SLIT1: variants seen among roughly 807,000 people sequenced by gnomAD.
SLIT1 encodes slit guidance ligand 1, also known as slit homolog 1 protein.
In SLIT1, 66 loss-of-function variants were observed where a neutral mutation model predicts 186.1. The observed-to-expected ratio is 0.35, with a 90% confidence interval of 0.29 to 0.44. The LOEUF is 0.44. Among genes scored for constraint, SLIT1 ranks in the 20% least tolerant of loss-of-function variants. The probability of loss-of-function intolerance (pLI) is 1.00; values close to 1 mark genes in which losing one functional copy is unlikely to be tolerated. For synonymous variants in SLIT1, 761 were observed against 833.8 expected (o/e 0.91, Z 1.50); for missense variants, 1,638 against 2,037.4 (o/e 0.80, Z 3.77).
At chr10:97,146,844 G>A (rs1849823622) in intron 4 of SLIT1, among the ~76,000 whole-genome samples, 1 of 152,078 alleles carries the variant, frequency 6.6e-6, no homozygotes, top group Admixed American at 6.5e-5. Context: ...ACACTTGCCA[G>A]CCTGCTAACC....
At chr10:97,028,492 A>G (rs551855947) in intron 25 of SLIT1, among the ~76,000 whole-genome samples, 1 of 152,328 alleles carries the variant, frequency 6.6e-6, no homozygotes, top group South Asian at 2.1e-4. Context: ...CCTATGCTGG[A>G]CAACGCAGCA....
chr10:97,036,089 G>A (rs559564086), intron 22 of SLIT1, among the ~76,000 whole-genome samples: 162 of 152,204 alleles, frequency 1.1e-3, no homozygotes, highest in Non-Finnish European at 3.8e-4. Context: ...GGGCCTTCAC[G>A]TCTGCCCACT....
At chr10:97,142,166 CA>C (rs940482860) in intron 4 of SLIT1, among the ~76,000 whole-genome samples, 2 of 144,226 alleles carry the variant, frequency 1.4e-5, no homozygotes, top group African/African-American at 4.9e-5. Flanking sequence ...CAAATACTGC[CA>C]AACCAGATCT....
intron 14 of SLIT1, among the ~76,000 whole-genome samples, chr10:97,048,247 G>GGCAC (rs1848754366): frequency 6.6e-6 from 1 of 152,244 alleles, no homozygotes; most frequent in Non-Finnish European, 1.5e-5. Flanking sequence ...CACTCGCAAT[G>GGCAC]GCACGAGGTG....
intron 1 of SLIT1, among the ~76,000 whole-genome samples, chr10:97,168,626 C>T (rs1469942064): frequency 6.6e-6 from 1 of 152,214 alleles, no homozygotes; most frequent in Non-Finnish European, 1.5e-5. Flanking sequence ...CACTCCCTCC[C>T]TGATTCCCTG....
intron 34 of SLIT1, among the ~76,000 whole-genome samples, chr10:97,003,450 A>G (rs1226104067): frequency 1.3e-5 from 2 of 152,170 alleles, no homozygotes; most frequent in African/African-American, 4.8e-5. Flanking sequence ...CATTTGACAG[A>G]TGCTCATGAC....
intron 4 of SLIT1, among the ~76,000 whole-genome samples, chr10:97,133,860 C>T (rs1432963384): frequency 6.6e-6 from 1 of 152,148 alleles, no homozygotes; most frequent in Non-Finnish European, 1.5e-5. Flanking sequence ...CAGCACCACC[C>T]CCAGGTCCTG....
chr10:97,128,131 TGTAA>T (rs1447162919), intron 4 of SLIT1, among the ~76,000 whole-genome samples: 2 of 151,724 alleles, frequency 1.3e-5, no homozygotes, highest in Non-Finnish European at 2.9e-5. Flanking sequence ...CTCTGCCTCT[TGTAA>T]GTGAGGCTGG....
intron 4 of SLIT1, among the ~76,000 whole-genome samples, chr10:97,116,854 G>A (rs755135436): frequency 1.3e-5 from 2 of 152,144 alleles, no homozygotes; most frequent in Admixed American, 6.5e-5. Flanking sequence ...ACGAGAGGAC[G>A]GATGGGCTCT....
At chr10:97,158,919 C>T (rs1849989585) in intron 3 of SLIT1, among the ~76,000 whole-genome samples, 1 of 151,424 alleles carries the variant, frequency 6.6e-6, no homozygotes, top group Non-Finnish European at 1.5e-5. Context: ...TGCCTGTAAT[C>T]CCAACACTTG....
intron 25 of SLIT1, among the ~76,000 whole-genome samples, chr10:97,024,279 T>C (rs1848526622): frequency 1.3e-5 from 2 of 152,082 alleles, no homozygotes; most frequent in Non-Finnish European, 2.9e-5. Flanking sequence ...ATTCACAATC[T>C]TATAAAGCAG....
chr10:97,001,239 G>C lies in SLIT1; in HGVS notation c.4478C>G (p.Pro1493Arg). Residue 1493 changes from proline to arginine, a missense_variant, in exon 37 of 37, where the codon CCA (proline) becomes CGA (arginine). By Grantham distance (103) the Pro-to-Arg change is moderately radical. Coordinates refer to ENST00000266058, the MANE Select transcript of SLIT1 (RefSeq NM_003061.3). ...LSWVECRGSC[P>R]GQGCCQGLRL... ...AAGGCCCTGGCAGCAGCCCTGGCCTGGGCACGAGCCCCGGCACTCCACCCA... is the reference window on the plus strand; with the variant it reads ...AAGGCCCTGGCAGCAGCCCTGGCCTCGGCACGAGCCCCGGCACTCCACCCA... 1 of 1,613,182 alleles carries C rather than the reference G, an allele frequency of 6.2e-7. No homozygotes were observed. Among genetic ancestry groups the C allele is most frequent in the East Asian group, 2.2e-5 (1 of 44,882 alleles).
Position 97,060,681 on chromosome 10 carries a change from G to A in SLIT1, c.900C>T (p.Leu300=), listed in dbSNP as rs770308338. Residue 300 remains leucine, a synonymous_variant, in exon 9 of 37, where the codon CTC becomes CTT. Transcript: ENST00000266058. ...CGGGCAGGTTGGCCGGGATGGCAGT[G>A]AGGCCTTTTCCACGACAGTCCACGA... ...NGIVDCRGKG[L]TAIPANLPET... is the part of the protein sequence containing the mutation. The A allele has an allele frequency of 2.5e-5, 40 of 1,613,490 alleles. No individual in the cohort carries two copies. In the South Asian group the frequency reaches 4.3e-4, roughly 17 times the overall value.
At chr10:97,104,143 T>C (rs1020701414) in intron 4 of SLIT1, among the ~76,000 whole-genome samples, 2 of 151,554 alleles carry the variant, frequency 1.3e-5, no homozygotes, top group South Asian at 4.2e-4. Flanking sequence ...GGGAGTTACC[T>C]TTTTCTAGGT....
intron 8 of SLIT1, among the ~76,000 whole-genome samples, chr10:97,063,153 G>T (rs1312174845): frequency 6.6e-6 from 1 of 152,156 alleles, no homozygotes; most frequent in African/African-American, 2.4e-5. Context: ...GGGGACAGGA[G>T]GGAAAAGGAG....
chr10:97,101,434 A>T (rs983212273), intron 4 of SLIT1: 4 of 152,192 alleles, frequency 2.6e-5, no homozygotes, highest in Admixed American at 2.6e-4. Flanking sequence ...CACAAAGGAA[A>T]TCAGACCCTG....
At chr10:97,170,774 C>G (rs10882869) in intron 1 of SLIT1, among the ~76,000 whole-genome samples, 25,788 of 152,204 alleles carry the variant, frequency 0.17, 2,825 homozygotes, top group Non-Finnish European at 0.24. Context: ...AAGGGAAAAA[C>G]AAAAACACAC....
chr10:97,157,782 A>G (rs778489065), intron 4 of SLIT1, 36 bp downstream of exon 4: 2 of 1,550,190 alleles, frequency 1.3e-6, no homozygotes, highest in Non-Finnish European at 1.8e-6. Flanking sequence ...AGACAAAACC[A>G]CAGGGAGAAC....
intron 4 of SLIT1, among the ~76,000 whole-genome samples, chr10:97,101,052 C>A (rs1380956934): frequency 6.6e-6 from 1 of 152,194 alleles, no homozygotes; most frequent in African/African-American, 2.4e-5. Flanking sequence ...GCACTGAGCC[C>A]TTAACGTTGC....
Sources: allele counts gnomAD v4.1 joint callset (sites outside exome capture counted in the v4.1 genomes callset), GRCh38; gene constraint gnomAD v4.1.1; transcripts MANE v1.5; gene names NCBI Gene and HGNC (gene_info 2026-07-23, HGNC 2026-07-21).